The following MLIP variants were observed in gnomAD, a reference collection of about 807,000 sequenced individuals.
MLIP encodes the protein muscular LMNA interacting protein.
In MLIP, 79 loss-of-function variants were observed where a neutral mutation model predicts 84.8. The observed-to-expected ratio is 0.93, with a 90% CI of 0.78 to 1.12. The LOEUF is 1.12. MLIP is among the 50% of genes most tolerant of loss of function. The pLI is 0.00. For synonymous variants in MLIP, 504 were observed against 463.0 expected (o/e 1.09, Z -1.14); for missense variants, 1,257 against 1,160.6 (o/e 1.08, Z -1.21).
chr6:54,121,743 A>G (rs2150435249), intron 2 of MLIP, 141 bp downstream of exon 2: 1 of 666,318 alleles, frequency 1.5e-6, no homozygotes, highest in Non-Finnish European at 2.4e-6. Flanking sequence ...TAATAATGCA[A>G]CAGAAGCATA....
At chr6:54,136,544 C>A (rs111920019) in intron 3 of MLIP, among the ~76,000 whole-genome samples, 171 bp from the exon 4 acceptor site, 1 of 152,108 alleles carries the variant, frequency 6.6e-6, no homozygotes, top group Admixed American at 6.6e-5. Context: ...TATCTTATTT[C>A]GAATTCAGAG....
rs10484648 is a variant in MLIP, at chr6:54,160,357, T to C, written c.2290-10T>C. ...AAGCCTCATATAAGAACTATTTCAT[T>C]TGTCACTAGGCACTAGATGAACCAG... On this transcript the variant is annotated splice_polypyrimidine_tract_variant and intron_variant, in intron 5 of 13. Coordinates refer to ENST00000502396, the MANE Select transcript of MLIP (RefSeq NM_001281747.2). 0.07 allele frequency: 113,399 copies of C among 1,609,102 alleles called. 5,777 individuals carry two copies. The highest frequency in any genetic ancestry group is 0.24 in the East Asian group (10,705 of 44,534).
intron 9 of MLIP, among the ~76,000 whole-genome samples, chr6:54,176,281 TTTG>T (rs1263858857): frequency 2.0e-5 from 3 of 148,270 alleles, no homozygotes; most frequent in Non-Finnish European, 3.0e-5. Context: ...CCTTTGTTTG[TTTG>T]TTTTTTTGAA....
At chr6:54,125,433 G>C (rs1333735447) in intron 3 of MLIP, among the ~76,000 whole-genome samples, 3 of 152,244 alleles carry the variant, frequency 2.0e-5, no homozygotes, top group African/African-American at 7.2e-5. Flanking sequence ...TCAGTGAGAG[G>C]GGGAAAATAT....
intron 9 of MLIP, among the ~76,000 whole-genome samples, chr6:54,188,342 C>A (rs1244827442): frequency 6.6e-6 from 1 of 152,016 alleles, no homozygotes; most frequent in Admixed American, 6.5e-5. Flanking sequence ...ATTTTTAAAA[C>A]TTTTTGACTC....
chr6:54,181,252 T>C lies in MLIP; in HGVS notation c.2545-8618T>C, dbSNP rs117160994. On this transcript the variant is annotated intron_variant, in intron 9 of 13. Coordinates refer to ENST00000502396, the MANE Select transcript of MLIP (RefSeq NM_001281747.2). ...AGTTCTTTCTGCTCTTCCCTCCCCT[T>C]TCCACAGGCAAAAGAGCCTCTCCCT... is the stretch of plus-strand genomic sequence containing the variant. Among the ~76,000 whole-genome samples, 910 of 152,244 alleles carry C rather than the reference T, an allele frequency of 6.0e-3. 69 individuals carry two copies. In the East Asian group the frequency reaches 0.15, roughly 25 times the overall value.
At chr6:54,112,201 A>G (rs932758988) in intron 1 of MLIP, among the ~76,000 whole-genome samples, 1 of 152,206 alleles carries the variant, frequency 6.6e-6, no homozygotes, top group Non-Finnish European at 1.5e-5. Context: ...TGTGTGGAAA[A>G]TGGTTTTTCA....
At chr6:54,155,582 C>T (rs558792949) in intron 5 of MLIP, among the ~76,000 whole-genome samples, 7 of 152,124 alleles carry the variant, frequency 4.6e-5, no homozygotes, top group African/African-American at 1.7e-4. Context: ...GAACTTCATC[C>T]TATATTTTAA....
chr6:54,109,945 C>CTTCCTTCCTTCT (rs1561938055), upstream of MLIP, among the ~76,000 whole-genome samples: 1 of 118,244 alleles, frequency 8.5e-6, no homozygotes, highest in African/African-American at 3.3e-5. Flanking sequence ...TCCTTCCTTC[C>CTTCCTTCCTTCT]TTCCTTCCTT....
At chr6:54,029,284 G>A (rs1358491238) in intron 1 of MLIP, 1 of 152,206 alleles carries the variant, frequency 6.6e-6, no homozygotes, top group Non-Finnish European at 1.5e-5. Context: ...AAGAGGTGGG[G>A]CTTTTAAGAG....
At chr6:54,207,415 C>CA (rs1264848665) in intron 11 of MLIP, among the ~76,000 whole-genome samples, 7 of 144,098 alleles carry the variant, frequency 4.9e-5, no homozygotes, top group Non-Finnish European at 9.2e-5. Context: ...CTGCACCCCC[C>CA]CCCCCTTTTT....
chr6:54,116,221 G>A (rs545929816), intron 1 of MLIP, among the ~76,000 whole-genome samples: 1 of 152,096 alleles, frequency 6.6e-6, no homozygotes, highest in Non-Finnish European at 1.5e-5. Flanking sequence ...ACTTGCCAGG[G>A]CATGTCATAT....
intron 1 of MLIP, among the ~76,000 whole-genome samples, chr6:54,032,015 G>A (rs1259077739): frequency 6.6e-6 from 1 of 152,128 alleles, no homozygotes; most frequent in Non-Finnish European, 1.5e-5. Context: ...CCGTCACTTA[G>A]CCAAAGTGCT....
At chr6:54,113,582 T>A (rs1769658974) in intron 1 of MLIP, among the ~76,000 whole-genome samples, 1 of 152,146 alleles carries the variant, frequency 6.6e-6, no homozygotes, top group South Asian at 2.1e-4. Context: ...ATATTGAAAA[T>A]TAAAAGTTTT....
In MLIP at chr6:54,150,495, G is replaced by C. The variant is rs572613493; in HGVS notation, c.2289+1368G>C. Among the ~76,000 whole-genome samples the C allele has an allele frequency of 5.8e-4, 89 of 152,294 alleles. 1 individual carries two copies. In the Middle Eastern group the frequency reaches 0.014, roughly 23 times the overall value. ...AGACTCTCTGCTTATTTTGGATGGC[G>C]ATTTCTGGAACCTGGTCACAAGTGT... is the stretch of plus-strand genomic sequence containing the variant. On this transcript the variant is annotated intron_variant, in intron 5 of 13. Transcript: ENST00000502396.
intron 1 of MLIP, among the ~76,000 whole-genome samples, chr6:54,061,985 T>C (rs1406138508): frequency 1.3e-5 from 2 of 152,218 alleles, no homozygotes; most frequent in Non-Finnish European, 2.9e-5. Context: ...TGAAATGTAC[T>C]TATTTTCCCT....
intron 8 of MLIP, among the ~76,000 whole-genome samples, chr6:54,166,135 T>C (rs1198908734): frequency 6.6e-6 from 1 of 151,952 alleles, no homozygotes; most frequent in Non-Finnish European, 1.5e-5. Flanking sequence ...AAGCTGGAAA[T>C]GTCCTCCATT....
intron 9 of MLIP, among the ~76,000 whole-genome samples, chr6:54,176,293 A>C (rs1362373765): frequency 6.7e-6 from 1 of 149,478 alleles, no homozygotes; most frequent in African/African-American, 2.5e-5. Context: ...TGTTTTTTTG[A>C]ATAGCTTAAG....
intron 1 of MLIP, among the ~76,000 whole-genome samples, chr6:54,080,663 C>T (rs1767083122): frequency 1.3e-5 from 2 of 149,258 alleles, no homozygotes; most frequent in South Asian, 4.2e-4. Flanking sequence ...TAAATTGTTA[C>T]ATATGCAAAT....
Sources: allele counts gnomAD v4.1 joint callset (sites outside exome capture counted in the v4.1 genomes callset), GRCh38; gene constraint gnomAD v4.1.1; transcripts MANE v1.5; gene names NCBI Gene and HGNC (gene_info 2026-07-23, HGNC 2026-07-21).